ZNF879: variants seen among roughly 807,000 people sequenced by gnomAD.
ZNF879 encodes zinc finger protein 879.
ZNF879 carries 32 observed loss-of-function variants against 44.3 expected under a neutral mutation model. The observed-to-expected ratio is 0.72, with a 90% CI of 0.54 to 0.97. The LOEUF is 0.97. Among genes scored for constraint, ZNF879 ranks in the 50% least tolerant of loss-of-function variants. The pLI, the probability that ZNF879 is intolerant of heterozygous loss-of-function variation, is 0.00. For missense variants in ZNF879, 621 were observed against 669.7 expected, an observed-to-expected ratio of 0.93 and a Z score of 0.80; for synonymous variants, 234 against 233.2, an observed-to-expected ratio of 1.00 and a Z score of -0.03.
In ZNF879 at chr5:179,032,757, G is replaced by GT. The variant is rs1428939262; in HGVS notation, c.812dup (p.Thr272HisfsTer18). On this transcript the variant is annotated frameshift_variant, in exon 5 of 5. Coordinates refer to ENST00000444149, the MANE Select transcript of ZNF879 (RefSeq NM_001136116.3). LOFTEE classifies it high-confidence loss of function. Reference sequence around the variant, plus strand: ...TGTAGTGAATGTGGAAAAGCCTTCAGTTTCACCACATCTCTTATTGGACAC... The same window carrying GT: ...TGTAGTGAATGTGGAAAAGCCTTCAGTTTTCACCACATCTCTTATTGGACAC... 3 of 1,554,384 alleles carry GT rather than the reference G, an allele frequency of 1.9e-6. No homozygotes were observed. Among genetic ancestry groups the GT allele is most frequent in the Non-Finnish European group, 2.6e-6 (3 of 1,148,788 alleles).
At position 179,032,614 on chromosome 5, in the gene ZNF879, C is replaced by G; in HGVS notation, c.666C>G (p.His222Gln). The change falls in exon 5 of 5, where the codon CAC (histidine) becomes CAG (glutamine). Residue 222 changes from histidine to glutamine, a missense_variant. His to Gln is a conservative substitution (Grantham distance 24). Transcript: ENST00000444149. ...TCCACAGTTCCTCCCTGAGTAAACA[C>G]CAGAGAATCCACACTGGAGAGAAGC... Reference protein sequence around the residue: ...IFLHSSSLSKHQRIHTGEKLY... With the variant: ...IFLHSSSLSKQQRIHTGEKLY... The G allele has an allele frequency of 6.4e-7, 1 of 1,564,952 alleles. No individual in the cohort carries two copies. Among genetic ancestry groups the G allele is most frequent in the Non-Finnish European group, 8.7e-7 (1 of 1,154,822 alleles).
Position 179,032,401 on chromosome 5 carries a change from G to T in ZNF879, c.453G>T (p.Lys151Asn), listed in dbSNP as rs1200953338. 6.4e-7 allele frequency: 1 copy of T among 1,551,342 alleles called. No individual in the cohort carries two copies. The highest frequency in any genetic ancestry group is 8.7e-7 in the Non-Finnish European group (1 of 1,146,908). ...TTACCATCAAAAAAGTCTACATGAAGGAGAGGAGCTTTAAAGGTGTTGAAT... is the reference window on the plus strand; with the variant it reads ...TTACCATCAAAAAAGTCTACATGAATGAGAGGAGCTTTAAAGGTGTTGAAT... ...VLVTIKKVYM[K>N]ERSFKGVEFG... Residue 151 changes from lysine (K) to asparagine (N), a missense_variant, in exon 5 of 5, where the codon AAG becomes AAT. By Grantham distance (94) the Lys-to-Asn change is moderately conservative. Transcript: ENST00000444149.
Position 179,032,374 on chromosome 5 carries a change from A to G in ZNF879, c.426A>G (p.Leu142=), listed in dbSNP as rs1761441155. The G allele has an allele frequency of 6.4e-7, 1 of 1,551,136 alleles. No individual in the cohort carries two copies. The highest frequency in any genetic ancestry group is 1.4e-5 in the African/African-American group (1 of 72,984). The part of the protein sequence containing the change: ...GKKNRLFSKV[L]VTIKKVYMKE... ...AGAACAGACTTTTCAGTAAAGTGTTAGTTACCATCAAAAAAGTCTACATGA... is the reference window on the plus strand; with the variant it reads ...AGAACAGACTTTTCAGTAAAGTGTTGGTTACCATCAAAAAAGTCTACATGA... The change falls in exon 5 of 5, where the codon TTA becomes TTG. Residue 142 remains leucine (L), a synonymous_variant. Transcript: ENST00000444149.
At chr5:179,024,822 T>C in intron 1 of ZNF879, 148 bp from the exon 2 acceptor site, 1 of 608,228 alleles carries the variant, frequency 1.6e-6, no homozygotes, top group Non-Finnish European at 2.9e-6. Flanking sequence ...CTGGTTTAAG[T>C]GGCCGGACTT....
At chr5:179,029,116 T>G (rs1761357010) in intron 4 of ZNF879, among the ~76,000 whole-genome samples, 1 of 150,926 alleles carries the variant, frequency 6.6e-6, no homozygotes, top group African/African-American at 2.4e-5. Context: ...TTTTTTTTTT[T>G]TCCTCTCTGC....
chr5:179,033,567 A>G lies in ZNF879; in HGVS notation c.1619A>G (p.Tyr540Cys), dbSNP rs1761499507. The change falls in exon 5 of 5, where the codon TAT becomes TGT. Residue 540 changes from tyrosine to cysteine, a missense_variant. Physicochemically the swap from Tyr to Cys is radical, Grantham distance 194 (BLOSUM62 -2). Transcript: ENST00000444149. The stretch of plus-strand genomic sequence containing the variant: ...AGAATTCATACAGGGGAAAAACCTT[A>G]TAAATGTAAAGAATGTGGGAAGGCT... The part of the protein sequence containing the change: ...HMRIHTGEKP[Y>C]KCKECGKAFS... 6.4e-7 allele frequency: 1 copy of G among 1,550,516 alleles called. No homozygotes were observed. Among genetic ancestry groups the G allele is most frequent in the Non-Finnish European group, 8.7e-7 (1 of 1,147,060 alleles).
rs1190898952 is a variant in ZNF879 at position 179,034,884 on chromosome 5, T to A, written c.*1244T>A. The A allele has an allele frequency of 6.6e-6, 1 of 152,150 alleles. No homozygotes were observed. Among genetic ancestry groups the A allele is most frequent in the Non-Finnish European group, 1.5e-5 (1 of 68,024 alleles). 9.4% of individuals were successfully genotyped at this position (152,150 alleles called of 1,614,324 possible). On this transcript the variant is annotated 3_prime_UTR_variant, in exon 5 of 5. Coordinates refer to ENST00000444149, the MANE Select transcript of ZNF879 (RefSeq NM_001136116.3). ...TGAAACGACCCATTTCATAAAGTGC[T>A]AAGTTTTTCTGCCAAGGAACTTTAA...
intron 4 of ZNF879, among the ~76,000 whole-genome samples, chr5:179,030,395 T>C (rs1428769403): frequency 6.6e-6 from 1 of 152,216 alleles, no homozygotes; most frequent in Non-Finnish European, 1.5e-5. Flanking sequence ...GAGGCATCAC[T>C]GCCACAAAAG....
In ZNF879 at chr5:179,027,532, G is replaced by A; in HGVS notation, c.93G>A (p.Leu31=). 1 of 1,614,154 alleles carries A rather than the reference G, an allele frequency of 6.2e-7. No homozygotes were observed. The highest frequency in any genetic ancestry group is 8.5e-7 in the Non-Finnish European group (1 of 1,180,028). ...TCAGCCAGGACGAGTGGTTGCACCT[G>A]GACTCTGCCCAGAGAGCCTTGTACC... is the stretch of plus-strand genomic sequence containing the variant. ...VFFSQDEWLH[L]DSAQRALYRE... The change falls in exon 3 of 5, where the codon CTG becomes CTA. Residue 31 remains leucine, a synonymous_variant. Coordinates refer to ENST00000444149, the MANE Select transcript of ZNF879 (RefSeq NM_001136116.3).
intron 3 of ZNF879, 31 bp downstream of exon 3, chr5:179,027,630 G>A: frequency 6.2e-7 from 1 of 1,610,260 alleles, no homozygotes; most frequent in Non-Finnish European, 8.5e-7. Flanking sequence ...TGCAGAATCT[G>A]CCAGGAGAGC....
rs1022740518 is a variant in ZNF879, at chr5:179,033,972, G to C, written c.*332G>C. 5.3e-6 allele frequency: 1 copy of C among 189,744 alleles called. No individual in the cohort carries two copies. Among genetic ancestry groups the C allele is most frequent in the African/African-American group, 2.3e-5 (1 of 42,814 alleles). 11.8% of individuals were successfully genotyped at this position (189,744 alleles called of 1,614,324 possible). A position where few individuals can be genotyped will look rare whatever the true frequency, so the allele number is the denominator to read the frequency against. On this transcript the variant is annotated 3_prime_UTR_variant, in exon 5 of 5. Coordinates refer to ENST00000444149, the MANE Select transcript of ZNF879 (RefSeq NM_001136116.3). ...TGGGAAGCCTGCTGTTTATGTACAAGTACAGCCATAAAATCCAGACACAGA... is the reference window on the plus strand; with the variant it reads ...TGGGAAGCCTGCTGTTTATGTACAACTACAGCCATAAAATCCAGACACAGA...
intron 1 of ZNF879, chr5:179,024,446 C>A (rs10479520): frequency 0.3 from 46,353 of 152,156 alleles, 7,845 homozygotes; most frequent in African/African-American, 0.46. Flanking sequence ...TGTTTTCTTG[C>A]GCCCTTGTTT....
chr5:179,026,652 A>T (rs145580623), intron 2 of ZNF879, among the ~76,000 whole-genome samples: 134 of 151,906 alleles, frequency 8.8e-4, no homozygotes, highest in African/African-American at 3.1e-3. Context: ...CCAATTAATT[A>T]AAAAAAAATT....
In ZNF879 at chr5:179,032,656, A is replaced by T; in HGVS notation, c.708A>T (p.Glu236Asp). Residue 236 changes from glutamate (E) to aspartate (D), a missense_variant, in exon 5 of 5, where the codon GAA becomes GAT. Glu to Asp is a conservative substitution (Grantham distance 45). Coordinates refer to ENST00000444149, the MANE Select transcript of ZNF879 (RefSeq NM_001136116.3). ...GAGAGAAGCTCTATAAATGTAAGGA[A>T]TGTAGGAAAGCCTTCAGCCAAAGCT... ...HTGEKLYKCK[E>D]CRKAFSQSSS... The T allele has an allele frequency of 6.4e-7, 1 of 1,569,288 alleles. No individual in the cohort carries two copies. Among genetic ancestry groups the T allele is most frequent in the Non-Finnish European group, 8.6e-7 (1 of 1,157,212 alleles).
rs749331918 is a variant in ZNF879, at chr5:179,033,228, C to T, written c.1280C>T (p.Pro427Leu). Residue 427 changes from proline (P) to leucine (L), a missense_variant, in exon 5 of 5, where the codon CCC becomes CTC. Physicochemically the swap from Pro to Leu is moderately conservative, Grantham distance 98. Coordinates refer to ENST00000444149, the MANE Select transcript of ZNF879 (RefSeq NM_001136116.3). Reference sequence around the variant, plus strand: ...CAAAGAATTCACACTGGAGAAAAACCCTACAAATGTAATGAATGTGGGAAA... The same window carrying T: ...CAAAGAATTCACACTGGAGAAAAACTCTACAAATGTAATGAATGTGGGAAA... ...QHQRIHTGEK[P>L]YKCNECGKAF... is the part of the protein sequence containing the mutation. 8 of 1,594,088 alleles carry T rather than the reference C, an allele frequency of 5.0e-6. No individual in the cohort carries two copies. In the Admixed American group the frequency reaches 1.2e-4, roughly 25 times the overall value.
intron 2 of ZNF879, among the ~76,000 whole-genome samples, chr5:179,026,785 A>G (rs1423210702): frequency 6.6e-6 from 1 of 152,260 alleles, no homozygotes; most frequent in Admixed American, 6.5e-5. Context: ...CACTGTGCCC[A>G]GCCAAGAAGA....
chr5:179,026,490 T>C (rs1248722774), intron 2 of ZNF879, among the ~76,000 whole-genome samples: 1 of 152,142 alleles, frequency 6.6e-6, no homozygotes, highest in African/African-American at 2.4e-5. Flanking sequence ...TCGTTTTGTT[T>C]TGTTTTTTAA....
chr5:179,032,142 G>T (rs909933416), intron 4 of ZNF879, 63 bp from the exon 5 acceptor site: 3 of 1,240,416 alleles, frequency 2.4e-6, no homozygotes, highest in Non-Finnish European at 3.3e-6. Context: ...ATCCTTGTGC[G>T]TTTTTATGTC....
Position 179,028,143 on chromosome 5 carries a change from A to C in ZNF879, c.256+16A>C. 6.5e-7 allele frequency: 1 copy of C among 1,549,768 alleles called. No homozygotes were observed. The highest frequency in any genetic ancestry group is 1.2e-5 in the South Asian group (1 of 84,004). The stretch of plus-strand genomic sequence containing the variant: ...GCACATCTCGGTGAGTGACAGAGTA[A>C]TTGGGAGATGGGCATAACATTTTCC... On this transcript the variant is annotated intron_variant, in intron 4 of 4. Transcript: ENST00000444149.
Sources: allele counts gnomAD v4.1 joint callset (sites outside exome capture counted in the v4.1 genomes callset), GRCh38; gene constraint gnomAD v4.1.1; transcripts MANE v1.5; gene names NCBI Gene and HGNC (gene_info 2026-07-23, HGNC 2026-07-21).